Variants in ADCY9 observed in about 807,000 individuals in gnomAD.
ADCY9 encodes adenylate cyclase type 9.
In ADCY9, 50 loss-of-function variants were observed where a neutral mutation model predicts 101.5. That is an observed-to-expected ratio of 0.49 (90% CI 0.39 to 0.62). The LOEUF (loss-of-function observed/expected upper bound fraction) is 0.62, where lower values mean the gene tolerates loss of function less well. Ranked by LOEUF, ADCY9 falls within the 20% of genes least tolerant of loss-of-function variation. ADCY9 has a pLI of 0.00. For synonymous variants in ADCY9, 905 were observed against 769.3 expected (o/e 1.18, Z -2.92); for missense variants, 1,662 against 1,800.4 (o/e 0.92, Z 1.39).
Position 4,069,432 on chromosome 16 carries a change from T to C in ADCY9, c.1693+44318A>G, listed in dbSNP as rs572649131. Among the ~76,000 whole-genome samples the C allele has an allele frequency of 1.1e-3, 160 of 152,154 alleles. No homozygotes were observed. In the Middle Eastern group the frequency reaches 0.027, roughly 26 times the overall value. On this transcript the variant is annotated intron_variant, in intron 2 of 10. Transcript: ENST00000294016. The stretch of plus-strand genomic sequence containing the variant: ...CTACTTCTCGGGGGAGCCGTGAAGA[T>C]GTAATGAGCGAAGGCATCTCAGACA...
chr16:4,110,898 C>T (rs1420325443), intron 2 of ADCY9, among the ~76,000 whole-genome samples: 1 of 152,188 alleles, frequency 6.6e-6, no homozygotes. Flanking sequence ...CCTGTATCAG[C>T]TAGTCCTCAA....
At chr16:3,961,862 C>T (rs371852392), downstream of ADCY9, among the ~76,000 whole-genome samples, 5 of 151,888 alleles carry the variant, frequency 3.3e-5, no homozygotes, top group Non-Finnish European at 7.4e-5. Flanking sequence ...CCTGTCTCTA[C>T]TAAAAATATG....
intron 2 of ADCY9, among the ~76,000 whole-genome samples, chr16:4,099,018 T>C (rs1385919890): frequency 1.3e-5 from 2 of 152,114 alleles, no homozygotes; most frequent in African/African-American, 4.8e-5. Flanking sequence ...CTGCAACCTC[T>C]GCCTCCCAGG....
At chr16:4,006,069 A>C (rs1241087595) in intron 3 of ADCY9, among the ~76,000 whole-genome samples, 1 of 152,086 alleles carries the variant, frequency 6.6e-6, no homozygotes, top group Non-Finnish European at 1.5e-5. Context: ...GAGTACAGGG[A>C]AGAGAGGGTC....
chr16:4,104,964 G>A (rs1484191491), intron 2 of ADCY9, among the ~76,000 whole-genome samples: 1 of 151,842 alleles, frequency 6.6e-6, no homozygotes, highest in Non-Finnish European at 1.5e-5. Context: ...AGCTACTCGA[G>A]AGGCTGAGGC....
intron 6 of ADCY9, among the ~76,000 whole-genome samples, chr16:3,984,853 G>A (rs2056177088): frequency 6.6e-6 from 1 of 152,230 alleles, no homozygotes; most frequent in African/African-American, 2.4e-5. Context: ...GCAGCCCTGG[G>A]TGCGGTGTGC....
At chr16:4,069,916 T>G (rs2056823144) in intron 2 of ADCY9, among the ~76,000 whole-genome samples, 1 of 152,016 alleles carries the variant, frequency 6.6e-6, no homozygotes. Flanking sequence ...CCCAAGATGG[T>G]GAAACCCTGT....
intron 2 of ADCY9, among the ~76,000 whole-genome samples, chr16:4,093,619 T>C (rs867408890): frequency 1.3e-5 from 2 of 152,130 alleles, no homozygotes; most frequent in African/African-American, 2.4e-5. Flanking sequence ...TAGTCAGTCG[T>C]GTTGGCATGC....
chr16:3,958,865 AG>A (rs1354324642), downstream of ADCY9, among the ~76,000 whole-genome samples: 6 of 151,558 alleles, frequency 4.0e-5, no homozygotes, highest in Non-Finnish European at 5.9e-5. Flanking sequence ...TAGTAGAGAC[AG>A]GGTTTCACCA....
intron 2 of ADCY9, among the ~76,000 whole-genome samples, chr16:4,106,076 T>C (rs2141204803): frequency 6.6e-6 from 1 of 152,310 alleles, no homozygotes; most frequent in African/African-American, 2.4e-5. Flanking sequence ...CCCAGAACAT[T>C]GAGCCTTCCC....
intron 3 of ADCY9, among the ~76,000 whole-genome samples, chr16:3,997,189 G>A (rs1406951823): frequency 2.6e-5 from 4 of 152,176 alleles, no homozygotes; most frequent in Admixed American, 2.0e-4. Context: ...TTAAGACGAG[G>A]CCGCCTGCTT....
chr16:4,067,649 A>G (rs2056808520), intron 2 of ADCY9, among the ~76,000 whole-genome samples: 1 of 152,030 alleles, frequency 6.6e-6, no homozygotes, highest in Non-Finnish European at 1.5e-5. Flanking sequence ...TCCTAAACAG[A>G]ACTGGACCCC....
In ADCY9 at chr16:4,103,567, C is replaced by A. The variant is rs576462545; in HGVS notation, c.1693+10183G>T. The stretch of plus-strand genomic sequence containing the variant: ...CTGATGGGCCGGGCATAGTGGCTCA[C>A]GCCTGTAATCCCAGCATTTTGTGAG... On this transcript the variant is annotated intron_variant, in intron 2 of 10. Coordinates refer to ENST00000294016, the MANE Select transcript of ADCY9 (RefSeq NM_001116.4). Among the ~76,000 whole-genome samples, 35 of 152,302 alleles carry A rather than the reference C, an allele frequency of 2.3e-4. No homozygotes were observed. In the South Asian group the frequency reaches 6.8e-3, roughly 30 times the overall value.
intron 2 of ADCY9, among the ~76,000 whole-genome samples, chr16:4,048,783 G>T (rs17136722): frequency 0.068 from 10,380 of 151,994 alleles, 1,192 homozygotes; most frequent in African/African-American, 0.23. Context: ...CGATGCTGAG[G>T]GTTCCCATAG....
chr16:4,038,871 C>A (rs1331868910), intron 2 of ADCY9, among the ~76,000 whole-genome samples: 1 of 152,094 alleles, frequency 6.6e-6, no homozygotes, highest in Non-Finnish European at 1.5e-5. Context: ...CGGGCCCCAG[C>A]AAAGAGCTTC....
chr16:4,110,535 GCA>G (rs2057107530), intron 2 of ADCY9, among the ~76,000 whole-genome samples: 2 of 151,804 alleles, frequency 1.3e-5, no homozygotes, highest in Non-Finnish European at 1.5e-5. Context: ...GATTACAGGC[GCA>G]CACCACCACA....
intron 2 of ADCY9, among the ~76,000 whole-genome samples, chr16:4,111,115 T>G (rs1230037705): frequency 1.3e-5 from 2 of 152,190 alleles, no homozygotes; most frequent in African/African-American, 4.8e-5. Context: ...TCGGATAAAT[T>G]TGAATGAGAG....
intron 2 of ADCY9, among the ~76,000 whole-genome samples, chr16:4,036,673 G>T (rs887693637): frequency 6.6e-6 from 1 of 151,932 alleles, no homozygotes; most frequent in Non-Finnish European, 1.5e-5. Context: ...TGTTGGCCAG[G>T]CTGGTCTCGA....
chr16:4,007,766 C>T (rs115040367), intron 2 of ADCY9, among the ~76,000 whole-genome samples: 8,571 of 152,092 alleles, frequency 0.056, 423 homozygotes, highest in African/African-American at 0.14. Context: ...ACACACCACT[C>T]ACCCACGTTA....
Sources: gnomAD v4.1 joint callset for allele counts (sites outside exome capture counted in the v4.1 genomes callset) on GRCh38, gnomAD v4.1.1 for gene constraint, MANE v1.5 for transcripts, NCBI Gene and HGNC (gene_info 2026-07-23, HGNC 2026-07-21) for gene names.